The following NF1 variants were observed in gnomAD, a reference collection of about 807,000 sequenced individuals.
NF1 encodes the protein neurofibromin 1.
A neutral mutation model predicts 325.7 loss-of-function variants in NF1; 122 were observed. The observed-to-expected ratio is 0.37, with a 90% CI of 0.32 to 0.44. NF1 has a LOEUF of 0.44. NF1 is among the 20% of genes least tolerant of loss of function. The pLI, the probability that NF1 is intolerant of heterozygous loss-of-function variation, is 1.00. For synonymous variants in NF1, 1,091 were observed against 1,186.0 expected (o/e 0.92, Z 1.65); for missense variants, 2,140 against 3,415.4 (o/e 0.63, Z 9.31).
chr17:31,365,489 GT>G (rs1487809275), intron 57 of NF1, among the ~76,000 whole-genome samples: 1 of 152,062 alleles, frequency 6.6e-6, no homozygotes, highest in African/African-American at 2.4e-5. Flanking sequence ...AGACTTGACG[GT>G]TTTTGCCTTG....
At chr17:31,108,167 T>G (rs1317268711) in intron 1 of NF1, among the ~76,000 whole-genome samples, 1 of 152,004 alleles carries the variant, frequency 6.6e-6, no homozygotes, top group East Asian at 1.9e-4. Context: ...GTACAGTATA[T>G]TTTTGGTATG....
At chr17:31,367,766 C>T (rs1170621285) in intron 57 of NF1, among the ~76,000 whole-genome samples, 1 of 152,026 alleles carries the variant, frequency 6.6e-6, no homozygotes, top group African/African-American at 2.4e-5. Flanking sequence ...CTTTGGGAGG[C>T]CAAGGTGGGC....
In NF1 at chr17:31,287,207, C is replaced by T. The variant is rs574111781; in HGVS notation, c.4835+21868C>T. Among the ~76,000 whole-genome samples, 4 of 152,294 alleles carry T rather than the reference C, an allele frequency of 2.6e-5. No homozygotes were observed. In the South Asian group the frequency reaches 8.3e-4, roughly 32 times the overall value. ...TGTTTCAGTCATTTTCACTTCTAATCTTGTTAACTACCCAAGAATCTCTTG... is the reference window on the plus strand; with the variant it reads ...TGTTTCAGTCATTTTCACTTCTAATTTTGTTAACTACCCAAGAATCTCTTG... On this transcript the variant is annotated intron_variant, in intron 36 of 57. Coordinates refer to ENST00000358273, the MANE Select transcript of NF1 (RefSeq NM_001042492.3).
Position 31,337,408 on chromosome 17 carries a change from C to G in NF1, c.6468C>G (p.Phe2156Leu), listed in dbSNP as rs768464936. The change falls in exon 43 of 58, where the codon TTC becomes TTG. Residue 2156 changes from phenylalanine (F) to leucine (L), a missense_variant. By Grantham distance (22) the Phe-to-Leu change is conservative (BLOSUM62 0). Around this residue, in one of 10 missense-constraint regions of NF1, gnomAD observed 180 missense variants for 435.1 expected, o/e 0.41. Coordinates refer to ENST00000358273, the MANE Select transcript of NF1 (RefSeq NM_001042492.3). Reference sequence around the variant, plus strand: ...TTTTGAGACTCAGTCTGACAGAGTTCTCATTACCCAAATTTTACTTGCTGT... The same window carrying G: ...TTTTGAGACTCAGTCTGACAGAGTTGTCATTACCCAAATTTTACTTGCTGT... ...KQVLRLSLTEFSLPKFYLLFG... is the reference protein window; with the variant it reads ...KQVLRLSLTELSLPKFYLLFG... 5 of 1,614,008 alleles carry G rather than the reference C, an allele frequency of 3.1e-6. No individual in the cohort carries two copies. Among genetic ancestry groups the G allele is most frequent in the Admixed American group, 1.7e-5 (1 of 59,996 alleles).
intron 1 of NF1, among the ~76,000 whole-genome samples, chr17:31,153,157 G>C (rs1377942376): frequency 6.6e-6 from 1 of 152,040 alleles, no homozygotes; most frequent in Non-Finnish European, 1.5e-5. Context: ...TTCTCAGTGT[G>C]GGCTAGAACT....
At chr17:31,208,258 G>A (rs934318071) in intron 12 of NF1, among the ~76,000 whole-genome samples, 5 of 152,058 alleles carry the variant, frequency 3.3e-5, no homozygotes, top group Admixed American at 2.0e-4. Flanking sequence ...AGCTGTTTAT[G>A]TTTTTGAAAT....
chr17:31,330,458 A>G lies in NF1; in HGVS notation c.5772A>G (p.Leu1924=), dbSNP rs1337615274. 6.2e-7 allele frequency: 1 copy of G among 1,613,718 alleles called. No homozygotes were observed. Among genetic ancestry groups the G allele is most frequent in the African/African-American group, 1.3e-5 (1 of 74,932 alleles). Residue 1924 remains leucine (L), a synonymous_variant, in exon 39 of 58, where the codon TTA becomes TTG. Transcript: ENST00000358273. ...CAGCCAATGAGCCACACCTCACGTT[A>G]GAATTTTTGGAAGAGTGTATTTCTG... ...TLAANEPHLT[L]EFLEECISGF...
At chr17:31,199,175 A>G (rs1472764940) in intron 8 of NF1, among the ~76,000 whole-genome samples, 1 of 151,974 alleles carries the variant, frequency 6.6e-6, no homozygotes, top group African/African-American at 2.4e-5. Context: ...TGGTTAGGTT[A>G]TTGAATGAGA....
intron 12 of NF1, among the ~76,000 whole-genome samples, chr17:31,211,267 T>TA (rs1444054899): frequency 6.6e-6 from 1 of 152,244 alleles, no homozygotes; most frequent in Admixed American, 6.5e-5. Flanking sequence ...ATTTTTTTCT[T>TA]ACATTTCTAA....
intron 36 of NF1, among the ~76,000 whole-genome samples, chr17:31,319,493 A>G (rs903386538): frequency 2.6e-5 from 4 of 152,074 alleles, no homozygotes; most frequent in South Asian, 2.1e-4. Flanking sequence ...AATAAATGCA[A>G]ATTTTTTTGG....
intron 1 of NF1, among the ~76,000 whole-genome samples, chr17:31,131,174 T>TG (rs1915357020): frequency 1.3e-5 from 2 of 152,302 alleles, no homozygotes. Context: ...CTCCTGGCCC[T>TG]GTTGCACTAC....
chr17:31,147,378 A>G (rs567761237), intron 1 of NF1, among the ~76,000 whole-genome samples: 44 of 152,304 alleles, frequency 2.9e-4, no homozygotes, highest in African/African-American at 8.4e-4. Context: ...TAAGCTCACA[A>G]TTGTAAGTCA....
chr17:31,158,771 A>G (rs996793484), intron 2 of NF1, among the ~76,000 whole-genome samples: 2 of 152,168 alleles, frequency 1.3e-5, no homozygotes, highest in Non-Finnish European at 2.9e-5. Context: ...GCAAAACAGC[A>G]TCTTTTACTG....
intron 36 of NF1, among the ~76,000 whole-genome samples, chr17:31,266,205 T>C (rs1187952145): frequency 1.3e-5 from 2 of 152,220 alleles, no homozygotes; most frequent in African/African-American, 4.8e-5. Context: ...TCCATGACCA[T>C]TAAGTTAGTA....
At chr17:31,359,216 T>A (rs1041668819) in intron 56 of NF1, 1 of 554,060 alleles carries the variant, frequency 1.8e-6, no homozygotes, top group African/African-American at 1.9e-5. Flanking sequence ...TGTATTCACT[T>A]TTACAAACAA....
At chr17:31,327,441 AT>A in intron 37 of NF1, 57 bp from the exon 38 acceptor site, 5 of 1,399,026 alleles carry the variant, frequency 3.6e-6, no homozygotes, top group Non-Finnish European at 5.0e-6. Context: ...GCCTTTTAGA[AT>A]TTTATGTAAA....
intron 35 of NF1, 54 bp from the exon 36 acceptor site, chr17:31,265,175 C>A (rs2067763260): frequency 3.4e-6 from 4 of 1,193,482 alleles, no homozygotes; most frequent in Non-Finnish European, 4.9e-6. Context: ...GACTTTTTTA[C>A]ATACTCAGTA....
In NF1 at chr17:31,336,278, TA is replaced by T; in HGVS notation, c.6007-50del. 1.3e-6 allele frequency: 2 copies of T among 1,581,148 alleles called. No homozygotes were observed. The highest frequency in any genetic ancestry group is 1.7e-6 in the Non-Finnish European group (2 of 1,156,564). On this transcript the variant is annotated intron_variant, in intron 40 of 57. Coordinates refer to ENST00000358273, the MANE Select transcript of NF1 (RefSeq NM_001042492.3). This position sits in a 1 kb window ranked among gnomAD's most constrained non-coding sequence, Gnocchi z 5.5. ...GCTGTTCCAATGAATATTTTTTAAT[TA>T]AAAATTAAATTGGTAGAGTGATTAA...
intron 39 of NF1, chr17:31,331,904 TAAAAAAAAAAAAAAAAAAAAAA>T (rs755592420): frequency 7.0e-5 from 3 of 42,866 alleles, no homozygotes; most frequent in Non-Finnish European, 1.1e-4. Flanking sequence ...CCTTCTCTAT[TAAAAAAAAAAAAAAAAAAAAAA>T]AAAAAAAAAA....
Sources: allele counts gnomAD v4.1 joint callset (sites outside exome capture counted in the v4.1 genomes callset), GRCh38; gene constraint gnomAD v4.1.1; regional missense constraint gnomAD v4.1.1; non-coding constraint Gnocchi (gnomAD v3.1); transcripts MANE v1.5; gene names NCBI Gene and HGNC (gene_info 2026-07-23, HGNC 2026-07-21).